Variants in SVIL observed in about 807,000 individuals in gnomAD.
SVIL encodes archvillin.
Under a neutral mutation model 240.4 loss-of-function variants are expected in SVIL, and 101 were observed. That is an observed-to-expected ratio of 0.42 (90% CI 0.36 to 0.50). The LOEUF is 0.50. Among genes scored for constraint, SVIL ranks in the 20% least tolerant of loss-of-function variants. The pLI, the probability that SVIL is intolerant of heterozygous loss-of-function variation, is 0.01. For synonymous variants in SVIL, 999 were observed against 1,100.0 expected (o/e 0.91, Z 1.82); for missense variants, 2,512 against 2,818.7 (o/e 0.89, Z 2.46).
intron 1 of SVIL, among the ~76,000 whole-genome samples, chr10:29,726,254 C>T (rs1964283477): frequency 6.6e-6 from 1 of 152,158 alleles, no homozygotes; most frequent in Non-Finnish European, 1.5e-5. Context: ...AATGGCTCTC[C>T]AGGCTTCCTA....
At chr10:29,597,508 C>A (rs1956642088) in intron 1 of SVIL, among the ~76,000 whole-genome samples, 1 of 152,132 alleles carries the variant, frequency 6.6e-6, no homozygotes, top group South Asian at 2.1e-4. Context: ...ACCTCCACCT[C>A]CTGGGTTCAG....
intron 6 of SVIL, among the ~76,000 whole-genome samples, chr10:29,538,285 A>G (rs111323767): frequency 2.0e-5 from 3 of 152,362 alleles, no homozygotes; most frequent in African/African-American, 7.2e-5. Flanking sequence ...ATGTTGGCTC[A>G]GCATTTATAA....
chr10:29,591,894 C>A (rs1956404565), intron 1 of SVIL, among the ~76,000 whole-genome samples: 1 of 152,218 alleles, frequency 6.6e-6, no homozygotes, highest in Non-Finnish European at 1.5e-5. Flanking sequence ...GCCTGCCAGG[C>A]ATTTACCACT....
At chr10:29,599,465 G>A (rs1956731164) in intron 1 of SVIL, among the ~76,000 whole-genome samples, 1 of 151,988 alleles carries the variant, frequency 6.6e-6, no homozygotes, top group African/African-American at 2.4e-5. Flanking sequence ...GCCCAGGCTG[G>A]AGTGCAGAGG....
intron 2 of SVIL, among the ~76,000 whole-genome samples, chr10:29,660,615 G>A (rs753283325): frequency 1.3e-5 from 2 of 152,026 alleles, no homozygotes; most frequent in Non-Finnish European, 1.5e-5. Flanking sequence ...TGGGGGGAAC[G>A]GGCCAAGAGA....
At chr10:29,659,793 G>A (rs1160131636) in intron 2 of SVIL, among the ~76,000 whole-genome samples, 2 of 152,120 alleles carry the variant, frequency 1.3e-5, no homozygotes, top group Non-Finnish European at 2.9e-5. Flanking sequence ...TAAGCAGACC[G>A]TTTTTTGTTC....
chr10:29,498,489 CT>C (rs1564521800), intron 18 of SVIL, among the ~76,000 whole-genome samples: 5 of 152,202 alleles, frequency 3.3e-5, no homozygotes, highest in Admixed American at 1.3e-4. Context: ...GAAACCTACA[CT>C]TGCACTCAAT....
chr10:29,540,807 C>A (rs754348126), intron 6 of SVIL, among the ~76,000 whole-genome samples: 1 of 152,190 alleles, frequency 6.6e-6, no homozygotes, highest in Non-Finnish European at 1.5e-5. Context: ...CCTATGAATT[C>A]TGCAGAACCT....
chr10:29,540,314 C>T lies in SVIL; in HGVS notation c.828-4245G>A, dbSNP rs2132598453. 2.0e-5 allele frequency among the ~76,000 whole-genome samples: 3 copies of T among 152,270 alleles called. No homozygotes were observed. The East Asian group carries it at 5.8e-4, about 29-fold the overall frequency. ...CTCTCTCTTCGCTAGGATGTGACAG[C>T]CTCTGGAGAGAGAGAGACTTCGTTC... On this transcript the variant is annotated intron_variant, in intron 6 of 37. Coordinates refer to ENST00000355867, the MANE Select transcript of SVIL (RefSeq NM_021738.3).
chr10:29,468,123 G>A (rs893030511), intron 32 of SVIL, among the ~76,000 whole-genome samples: 21 of 152,110 alleles, frequency 1.4e-4, no homozygotes, highest in South Asian at 2.1e-4. Flanking sequence ...CAGTCACTCC[G>A]CATTTCCCCC....
intron 32 of SVIL, 97 bp downstream of exon 32, chr10:29,470,179 C>A: frequency 7.1e-7 from 1 of 1,410,120 alleles, no homozygotes; most frequent in South Asian, 1.2e-5. Flanking sequence ...ACTTTCAGCA[C>A]CCTGGGATCT....
Position 29,735,043 on chromosome 10 carries a change from T to A in SVIL, c.-400+708A>T, listed in dbSNP as rs901948286. ...CCAGATTGCGGCCTGGACTGGAGCCTCCCCGCCGCTCACTCACTGTAATGC... is the reference window on the plus strand; with the variant it reads ...CCAGATTGCGGCCTGGACTGGAGCCACCCCGCCGCTCACTCACTGTAATGC... On this transcript the variant is annotated intron_variant, in intron 1 of 35. Transcript: ENST00000375400. The surrounding 1 kb of genome is among the most constrained non-coding windows in gnomAD (Gnocchi z 4.1). Among the ~76,000 whole-genome samples the A allele has an allele frequency of 6.6e-6, 1 of 152,232 alleles. No homozygotes were observed. Among genetic ancestry groups the A allele is most frequent in the Admixed American group, 6.5e-5 (1 of 15,300 alleles).
At chr10:29,674,764 T>A (rs890508960) in intron 2 of SVIL, among the ~76,000 whole-genome samples, 1 of 152,202 alleles carries the variant, frequency 6.6e-6, no homozygotes, top group African/African-American at 2.4e-5. Context: ...GCCTCATTTC[T>A]GCTGGAGGCT....
chr10:29,673,763 C>T (rs573652731), intron 2 of SVIL, among the ~76,000 whole-genome samples: 17 of 152,210 alleles, frequency 1.1e-4, no homozygotes, highest in African/African-American at 2.9e-4. Flanking sequence ...ATTACAATTT[C>T]GAGATGAGAT....
chr10:29,584,858 T>C (rs1370862641), intron 1 of SVIL, among the ~76,000 whole-genome samples: 3 of 152,118 alleles, frequency 2.0e-5, no homozygotes, highest in African/African-American at 7.2e-5. Flanking sequence ...CACCCAGACA[T>C]CAAGCTGGGA....
chr10:29,548,112 ATCTC>A (rs1352006781), intron 6 of SVIL, among the ~76,000 whole-genome samples: 3 of 152,214 alleles, frequency 2.0e-5, no homozygotes, highest in Non-Finnish European at 2.9e-5. Flanking sequence ...TTGGAAGCTG[ATCTC>A]TCTAAGTATT....
At chr10:29,546,721 TG>T (rs1442902115) in intron 6 of SVIL, among the ~76,000 whole-genome samples, 4 of 152,190 alleles carry the variant, frequency 2.6e-5, no homozygotes, top group Non-Finnish European at 5.9e-5. Context: ...ACACTATTGG[TG>T]GTCTTTTGAT....
At chr10:29,714,330 A>T (rs1431203163) in intron 1 of SVIL, among the ~76,000 whole-genome samples, 1 of 152,140 alleles carries the variant, frequency 6.6e-6, no homozygotes, top group Non-Finnish European at 1.5e-5. Flanking sequence ...AACCTCAAAA[A>T]AGGCGAAGAC....
intron 1 of SVIL, among the ~76,000 whole-genome samples, chr10:29,724,368 A>AAAACACACAC (rs1399900786): frequency 4.3e-4 from 23 of 53,524 alleles, no homozygotes; most frequent in African/African-American, 2.4e-3. Context: ...ATGAGGATTT[A>AAAACACACAC]AAACACACAC....
Sources: gnomAD v4.1 joint callset for allele counts (sites outside exome capture counted in the v4.1 genomes callset) on GRCh38, gnomAD v4.1.1 for gene constraint, Gnocchi (gnomAD v3.1) non-coding constraint, MANE v1.5 for transcripts, NCBI Gene and HGNC (gene_info 2026-07-23, HGNC 2026-07-21) for gene names.